The following SRP19 variants were observed in gnomAD, a reference collection of about 807,000 sequenced individuals.
SRP19 encodes signal recognition particle 19 kDa protein.
A neutral mutation model predicts 22.4 loss-of-function variants in SRP19; 11 were observed. The observed-to-expected ratio is 0.49, with a 90% CI of 0.31 to 0.81. SRP19 has a LOEUF of 0.81. SRP19 is among the 40% of genes least tolerant of loss of function. The pLI, the probability that SRP19 is intolerant of heterozygous loss-of-function variation, is 0.05. For missense variants in SRP19, 168 were observed against 175.9 expected (o/e 0.96, Z 0.25); for synonymous variants, 61 against 57.6 (o/e 1.06, Z -0.27).
At chr5:112,878,765 G>A in intron 4 of SRP19, 2 of 1,614,068 alleles carry the variant, frequency 1.2e-6, no homozygotes, top group Non-Finnish European at 1.7e-6. Context: ...GAGAGGGCAG[G>A]AAGTTTCCAT....
downstream of SRP19, chr5:112,893,088 T>C (rs1441825279): frequency 1.1e-6 from 1 of 918,844 alleles, no homozygotes; most frequent in East Asian, 3.0e-5. Flanking sequence ...AAACTAGTTT[T>C]GTTCTTAAAA....
At chr5:112,897,014 C>T (rs188348684), downstream of SRP19, 6 of 152,196 alleles carry the variant, frequency 3.9e-5, no homozygotes, top group Non-Finnish European at 7.4e-5. Flanking sequence ...TATGTATAAT[C>T]GCATGACAAA....
chr5:112,891,337 T>C (rs558926648), intron 4 of SRP19, among the ~76,000 whole-genome samples: 47 of 152,120 alleles, frequency 3.1e-4, no homozygotes, highest in Non-Finnish European at 6.6e-4. Context: ...CCTCCTAAAG[T>C]GCTGGGATTA....
intron 4 of SRP19, chr5:112,891,545 A>G (rs1561650182): frequency 1.3e-5 from 20 of 1,502,844 alleles, no homozygotes; most frequent in East Asian, 2.5e-5. Flanking sequence ...TAAAATATTC[A>G]TAAGTAGAAT....
At chr5:112,892,180 AG>A in exon 5 of SRP19, 1 of 1,614,230 alleles carries the variant, frequency 6.2e-7, no homozygotes, top group Non-Finnish European at 8.5e-7. Flanking sequence ...TCCCTTCTAC[AG>A]TAAAACAGGA....
At chr5:112,862,683 T>G in intron 2 of SRP19, 100 bp downstream of exon 2, 2 of 1,014,496 alleles carry the variant, frequency 2.0e-6, no homozygotes, top group Non-Finnish European at 3.0e-6. Flanking sequence ...TTCTCTTCAC[T>G]GCATTTATTT....
intron 4 of SRP19, among the ~76,000 whole-genome samples, chr5:112,886,723 C>A (rs1477038595): frequency 6.6e-6 from 1 of 152,194 alleles, no homozygotes; most frequent in Non-Finnish European, 1.5e-5. Context: ...AAGAGATGGA[C>A]TTGCATATCA....
downstream of SRP19, among the ~76,000 whole-genome samples, chr5:112,870,241 C>T (rs1386972554): frequency 6.6e-6 from 1 of 152,040 alleles, no homozygotes; most frequent in African/African-American, 2.4e-5. Context: ...AATCGCGGCA[C>T]ATTGGGAGGC....
Position 112,864,523 on chromosome 5 carries a change from C to T in SRP19, c.184C>T (p.Leu62Phe). 1 of 1,613,992 alleles carries T rather than the reference C, an allele frequency of 6.2e-7. No individual in the cohort carries two copies. Among genetic ancestry groups the T allele is most frequent in the Non-Finnish European group, 8.5e-7 (1 of 1,179,916 alleles). Residue 62 changes from leucine to phenylalanine, a missense_variant, in exon 3 of 5, where the codon CTT becomes TTT. Leu to Phe is a conservative substitution (Grantham distance 22). Transcript: ENST00000505459. Reference protein sequence around the residue: ...VCSAVGLNVFLEKNKMYSREW... With the variant: ...VCSAVGLNVFFEKNKMYSREW... Reference sequence around the variant, plus strand: ...TTCAGCAGTTGGACTTAACGTATTTCTTGAGGTATGACGTGGTTCTTCACT... The same window carrying T: ...TTCAGCAGTTGGACTTAACGTATTTTTTGAGGTATGACGTGGTTCTTCACT...
intron 4 of SRP19, chr5:112,876,847 A>T (rs1350379510): frequency 6.6e-6 from 1 of 152,148 alleles, no homozygotes; most frequent in Non-Finnish European, 1.5e-5. Context: ...TTGCATTCAG[A>T]ATTTAATATA....
downstream of SRP19, chr5:112,896,135 G>A (rs917460842): frequency 6.6e-6 from 1 of 152,654 alleles, no homozygotes; most frequent in African/African-American, 2.4e-5. Flanking sequence ...AATAGTTACA[G>A]GCTACATTGC....
At chr5:112,880,381 A>G (rs1244167945) in intron 4 of SRP19, among the ~76,000 whole-genome samples, 1 of 152,214 alleles carries the variant, frequency 6.6e-6, no homozygotes, top group Admixed American at 6.5e-5. Context: ...GGGGTTGTCT[A>G]GAAGCCTCCA....
chr5:112,880,836 C>G (rs1470379893), intron 4 of SRP19, among the ~76,000 whole-genome samples: 1 of 152,088 alleles, frequency 6.6e-6, no homozygotes, highest in Non-Finnish European at 1.5e-5. Flanking sequence ...TAAAAATAAG[C>G]TGGTAATCCT....
At chr5:112,884,567 G>T (rs1229974066) in intron 4 of SRP19, among the ~76,000 whole-genome samples, 3 of 151,736 alleles carry the variant, frequency 2.0e-5, no homozygotes, top group African/African-American at 7.3e-5. Context: ...TGTAGAGAGC[G>T]GGTCTCCATA....
At chr5:112,893,760 G>A (rs1481941477), downstream of SRP19, 1 of 152,360 alleles carries the variant, frequency 6.6e-6, no homozygotes, top group East Asian at 1.9e-4. Context: ...GGTAGACTAA[G>A]ACCTTCTGTT....
downstream of SRP19, chr5:112,896,696 G>A (rs914324218): frequency 3.9e-5 from 6 of 151,996 alleles, no homozygotes; most frequent in Non-Finnish European, 8.8e-5. Context: ...AGCACTTCGG[G>A]AGGCTGAGGT....
At chr5:112,867,289 A>G (rs1196346081) in intron 4 of SRP19, 115 bp from the exon 5 acceptor site, 2 of 1,281,746 alleles carry the variant, frequency 1.6e-6, no homozygotes, top group South Asian at 1.9e-5. Flanking sequence ...TTTTTAAAAA[A>G]GTTATTTTCC....
At position 112,888,659 on chromosome 5, in the gene SRP19, A is replaced by G. The variant is rs558371607; in HGVS notation, c.302-2944A>G. Reference sequence around the variant, plus strand: ...TCCAGACTCCCCTTATCTCAACTACAGTAAAAAGTAACTCTTGAAATGTAA... The same window carrying G: ...TCCAGACTCCCCTTATCTCAACTACGGTAAAAAGTAACTCTTGAAATGTAA... On this transcript the variant is annotated intron_variant, in intron 4 of 4. Coordinates refer to the SRP19 transcript ENST00000391338. Among the ~76,000 whole-genome samples the G allele has an allele frequency of 5.6e-4, 85 of 151,210 alleles. 4 individuals are homozygous for G. Among genetic ancestry groups the G allele is most frequent in the African/African-American group, 2.0e-3 (83 of 40,782 alleles).
At chr5:112,861,879 A>G (rs1394929988) in intron 1 of SRP19, among the ~76,000 whole-genome samples, 1 of 152,090 alleles carries the variant, frequency 6.6e-6, no homozygotes, top group Non-Finnish European at 1.5e-5. Context: ...TTTTGTTTCT[A>G]TTCCTGTGGT....
Sources: allele counts gnomAD v4.1 joint callset (sites outside exome capture counted in the v4.1 genomes callset), GRCh38; gene constraint gnomAD v4.1.1; transcripts MANE v1.5; gene names NCBI Gene and HGNC (gene_info 2026-07-23, HGNC 2026-07-21).